PCDHGA1: variants seen among roughly 807,000 people sequenced by gnomAD.
PCDHGA1 encodes protocadherin gamma-A1.
Under a neutral mutation model 58.0 loss-of-function variants are expected in PCDHGA1, and 32 were observed. The observed-to-expected ratio is 0.55, with a 90% CI of 0.42 to 0.74. The LOEUF (loss-of-function observed/expected upper bound fraction) is 0.74. Among genes scored for constraint, PCDHGA1 ranks in the 30% least tolerant of loss-of-function variants. PCDHGA1 has a pLI of 0.00. For synonymous variants in PCDHGA1, 498 were observed against 501.1 expected, an observed-to-expected ratio of 0.99 and a Z score of 0.08; for missense variants, 1,205 against 1,182.3, an observed-to-expected ratio of 1.02 and a Z score of -0.28.
At chr5:141,394,268 C>A in intron 1 of PCDHGA1, 3 of 1,613,946 alleles carry the variant, frequency 1.9e-6, no homozygotes, top group Non-Finnish European at 2.5e-6. Flanking sequence ...AGGAGAATGC[C>A]CAGGTCACTT....
intron 1 of PCDHGA1, chr5:141,385,402 T>A: frequency 6.7e-7 from 1 of 1,488,784 alleles, no homozygotes; most frequent in Non-Finnish European, 8.9e-7. Context: ...AACAAATGTT[T>A]TGAAAATAGG....
chr5:141,511,695 C>A lies in PCDHGA1; in HGVS notation c.*522C>A, dbSNP rs1009832192. The A allele has an allele frequency of 9.7e-5, 19 of 195,544 alleles. No individual in the cohort carries two copies. The highest frequency in any genetic ancestry group is 1.7e-4 in the Non-Finnish European group (16 of 92,634). 12.1% of individuals were successfully genotyped at this position (195,544 alleles called of 1,614,324 possible). A position where few individuals can be genotyped will look rare whatever the true frequency, so the allele number is the denominator to read the frequency against. On this transcript the variant is annotated 3_prime_UTR_variant, in exon 4 of 4. Transcript: ENST00000517417. ...CTTCCCCCAAAGCATGGTTTGGTGC[C>A]AGCCCCTTCACCTCCTTCCAGAGCC...
At chr5:141,378,264 C>T (rs1167989776) in intron 1 of PCDHGA1, 2 of 152,212 alleles carry the variant, frequency 1.3e-5, no homozygotes, top group Non-Finnish European at 1.5e-5. Flanking sequence ...GTGGCTCATG[C>T]CTGTAATCCC....
chr5:141,414,799 G>A, intron 1 of PCDHGA1: 1 of 1,614,214 alleles, frequency 6.2e-7, no homozygotes, highest in Non-Finnish European at 8.5e-7. Context: ...CAGCGACAGC[G>A]GGGATCCTCC....
In PCDHGA1 at chr5:141,355,168, C is replaced by T. The variant is rs767745541; in HGVS notation, c.2421+22063C>T. ...TCCTCAGGCCTCGACAGAGGGAAAA[C>T]CGAAGCACAGGCGACTCCGCGGCGG... On this transcript the variant is annotated intron_variant, in intron 1 of 3. Transcript: ENST00000517417. 3 of 1,568,158 alleles carry T rather than the reference C, an allele frequency of 1.9e-6. No homozygotes were observed. In the African/African-American group the frequency reaches 4.1e-5, roughly 21 times the overall value.
At chr5:141,341,708 T>C (rs973685756) in intron 1 of PCDHGA1, 5 of 497,982 alleles carry the variant, frequency 1.0e-5, no homozygotes, top group African/African-American at 5.8e-5. Context: ...AATCATCTCA[T>C]CCACCCAGAT....
chr5:141,389,845 C>T, intron 1 of PCDHGA1: 1 of 1,614,054 alleles, frequency 6.2e-7, no homozygotes. Context: ...CCACTCTCGG[C>T]CACTGCCACG....
chr5:141,466,494 G>C (rs1186331329), intron 1 of PCDHGA1, among the ~76,000 whole-genome samples: 4 of 152,134 alleles, frequency 2.6e-5, no homozygotes. Context: ...TCTTTAATTA[G>C]AGCACAGACA....
chr5:141,380,805 G>A (rs1776753449), intron 1 of PCDHGA1, among the ~76,000 whole-genome samples: 1 of 152,204 alleles, frequency 6.6e-6, no homozygotes, highest in Non-Finnish European at 1.5e-5. Context: ...AAACAAATGT[G>A]AGATGAAACT....
At chr5:141,390,352 A>C (rs1340044054) in intron 1 of PCDHGA1, 1 of 1,557,524 alleles carries the variant, frequency 6.4e-7, no homozygotes, top group African/African-American at 1.4e-5. Context: ...GAAAATATAC[A>C]TATTTGCAGG....
At chr5:141,348,169 T>C (rs953518972) in intron 1 of PCDHGA1, among the ~76,000 whole-genome samples, 1 of 152,250 alleles carries the variant, frequency 6.6e-6, no homozygotes, top group South Asian at 2.1e-4. Flanking sequence ...GACCAAAATA[T>C]GTTTTATTAG....
In PCDHGA1 at chr5:141,389,615, G is replaced by A. The variant is rs552257647; in HGVS notation, c.2421+56510G>A. 11 of 1,612,972 alleles carry A rather than the reference G, an allele frequency of 6.8e-6. No individual in the cohort carries two copies. The African/African-American group carries it at 8.0e-5, about 12-fold the overall frequency. On this transcript the variant is annotated intron_variant, in intron 1 of 3. Transcript: ENST00000517417. ...GCTCTGCGCTCTTCGATATGGTGCC[G>A]CACGCTGCAGAGCCTGGCTACTTGG...
rs1329435709 is a variant in PCDHGA1 at position 141,485,726 on chromosome 5, C to T, written c.2422-9081C>T. ...ACACTTTGCACTGGATGTGAAGAAGCGCAGCGACGGCAGCCTGGTCCCAGA... is the reference window on the plus strand; with the variant it reads ...ACACTTTGCACTGGATGTGAAGAAGTGCAGCGACGGCAGCCTGGTCCCAGA... On this transcript the variant is annotated intron_variant, in intron 1 of 3. Coordinates refer to ENST00000517417, the MANE Select transcript of PCDHGA1 (RefSeq NM_018912.3). This position sits in a 1 kb window ranked among gnomAD's most constrained non-coding sequence, Gnocchi z 5.7. 2 of 1,614,138 alleles carry T rather than the reference C, an allele frequency of 1.2e-6. No homozygotes were observed. The highest frequency in any genetic ancestry group is 8.5e-7 in the Non-Finnish European group (1 of 1,180,024).
At chr5:141,347,137 CTCTTTCTT>C (rs70988799) in intron 1 of PCDHGA1, among the ~76,000 whole-genome samples, 12,178 of 113,746 alleles carry the variant, frequency 0.11, 848 homozygotes, top group Non-Finnish European at 0.15. Context: ...CTCTGTTTCT[CTCTTTCTT>C]TCTTTCTTTC....
rs1210429084 is a variant in PCDHGA1 at position 141,487,045 on chromosome 5, T to C, written c.2422-7762T>C. 2 of 1,614,088 alleles carry C rather than the reference T, an allele frequency of 1.2e-6. No individual in the cohort carries two copies. Among genetic ancestry groups the C allele is most frequent in the Non-Finnish European group, 1.7e-6 (2 of 1,180,036 alleles). On this transcript the variant is annotated intron_variant, in intron 1 of 3. Coordinates refer to ENST00000517417, the MANE Select transcript of PCDHGA1 (RefSeq NM_018912.3). This position sits in a 1 kb window ranked among gnomAD's most constrained non-coding sequence, Gnocchi z 5.0. ...CCAGCCTGTTTGCAGTCTCTCGATA[T>C]GCTGGGGAGGTGCGGACGGCTGTTC...
At chr5:141,356,917 A>G (rs774508260) in intron 1 of PCDHGA1, 1 of 1,614,056 alleles carries the variant, frequency 6.2e-7, no homozygotes, top group East Asian at 2.2e-5. Context: ...TGATGGCTCC[A>G]CTGGTGTGGA....
chr5:141,383,097 C>T, intron 1 of PCDHGA1: 1 of 1,613,998 alleles, frequency 6.2e-7, no homozygotes, highest in Non-Finnish European at 8.5e-7. Context: ...GAGTCCGCAT[C>T]ATCTCCAGAG....
intron 1 of PCDHGA1, chr5:141,394,899 G>A: frequency 6.2e-7 from 1 of 1,613,804 alleles, no homozygotes; most frequent in Admixed American, 1.7e-5. Context: ...TCTCGTGGTG[G>A]CAGTGGCTGC....
At chr5:141,412,139 T>C (rs1380576842) in intron 1 of PCDHGA1, 1 of 152,250 alleles carries the variant, frequency 6.6e-6, no homozygotes, top group Non-Finnish European at 1.5e-5. Flanking sequence ...TGGCCTCTGA[T>C]ACAAACTGCC....
Sources: allele counts gnomAD v4.1 joint callset (sites outside exome capture counted in the v4.1 genomes callset), GRCh38; gene constraint gnomAD v4.1.1; non-coding constraint Gnocchi (gnomAD v3.1); transcripts MANE v1.5; gene names NCBI Gene and HGNC (gene_info 2026-07-23, HGNC 2026-07-21).